GRIA1: variants seen among roughly 807,000 people sequenced by gnomAD.
GRIA1 encodes glutamate receptor 1.
In GRIA1, 31 loss-of-function variants were observed where a neutral mutation model predicts 99.2. That is an observed-to-expected ratio of 0.31 (90% CI 0.23 to 0.42). GRIA1 has a LOEUF of 0.42. Among genes scored for constraint, GRIA1 ranks in the 10% least tolerant of loss-of-function variants. GRIA1 has a pLI of 1.00. For missense variants in GRIA1, 782 were observed against 1,157.5 expected, an observed-to-expected ratio of 0.68 and a Z score of 4.71; for synonymous variants, 438 against 432.4, an observed-to-expected ratio of 1.01 and a Z score of -0.16.
chr5:153,596,307 T>C (rs1190705382), intron 2 of GRIA1, among the ~76,000 whole-genome samples: 1 of 152,224 alleles, frequency 6.6e-6, no homozygotes, highest in Non-Finnish European at 1.5e-5. Context: ...GTATGCAAGA[T>C]CCAGCCACTT....
At chr5:153,771,549 C>T (rs1763882441) in intron 13 of GRIA1, among the ~76,000 whole-genome samples, 1 of 152,120 alleles carries the variant, frequency 6.6e-6, no homozygotes, top group South Asian at 2.1e-4. Context: ...GAGAGACAGA[C>T]ATTAAAGAAA....
At chr5:153,777,021 T>C (rs1028745185) in intron 13 of GRIA1, among the ~76,000 whole-genome samples, 1 of 152,202 alleles carries the variant, frequency 6.6e-6, no homozygotes, top group African/African-American at 2.4e-5. Flanking sequence ...CAAGTGCTTT[T>C]TTGTGTGGCA....
At chr5:153,571,284 G>C (rs990126003) in intron 2 of GRIA1, among the ~76,000 whole-genome samples, 12 of 152,084 alleles carry the variant, frequency 7.9e-5, no homozygotes, top group African/African-American at 2.9e-4. Context: ...GTCCATGATG[G>C]GGACATGTAG....
At chr5:153,537,656 T>G (rs912273286) in intron 2 of GRIA1, among the ~76,000 whole-genome samples, 14 of 152,194 alleles carry the variant, frequency 9.2e-5, no homozygotes, top group African/African-American at 4.8e-5. Context: ...TGTGAGGGCC[T>G]TGGTGTCAGA....
At chr5:153,541,810 G>C (rs956287311) in intron 2 of GRIA1, among the ~76,000 whole-genome samples, 17 of 151,300 alleles carry the variant, frequency 1.1e-4, no homozygotes, top group African/African-American at 4.1e-4. Flanking sequence ...CACACCTGTA[G>C]TCTCAGCTGC....
At chr5:153,690,250 A>C (rs934281682) in intron 8 of GRIA1, among the ~76,000 whole-genome samples, 4 of 151,014 alleles carry the variant, frequency 2.6e-5, no homozygotes. Context: ...AAGTAAAAGG[A>C]ATACAAATAA....
intron 2 of GRIA1, among the ~76,000 whole-genome samples, chr5:153,555,755 C>T (rs1000836041): frequency 3.9e-5 from 6 of 152,154 alleles, no homozygotes; most frequent in Non-Finnish European, 7.3e-5. Context: ...TGACAGACTG[C>T]TAAAGGAGAC....
intron 14 of GRIA1, among the ~76,000 whole-genome samples, chr5:153,801,955 G>T (rs986748224): frequency 1.4e-5 from 2 of 146,122 alleles, no homozygotes; most frequent in Non-Finnish European, 1.5e-5. Flanking sequence ...ATTGGGGCGG[G>T]GGGGGGCGGG....
chr5:153,570,882 C>T (rs1401065854), intron 2 of GRIA1, among the ~76,000 whole-genome samples: 1 of 151,958 alleles, frequency 6.6e-6, no homozygotes, highest in Non-Finnish European at 1.5e-5. Flanking sequence ...TAAGGAGTCC[C>T]CCTTGTTCAC....
chr5:153,554,461 T>C (rs1760437252), intron 2 of GRIA1, among the ~76,000 whole-genome samples: 1 of 152,152 alleles, frequency 6.6e-6, no homozygotes, highest in Admixed American at 6.5e-5. Context: ...AAATCTGGGG[T>C]GGGGCTCAGG....
At chr5:153,781,016 G>A (rs1244381361) in intron 13 of GRIA1, among the ~76,000 whole-genome samples, 1 of 152,148 alleles carries the variant, frequency 6.6e-6, no homozygotes, top group Non-Finnish European at 1.5e-5. Context: ...GGAATAAGGG[G>A]TAGCCCTGAG....
chr5:153,630,256 T>TATC (rs3037009), intron 2 of GRIA1, among the ~76,000 whole-genome samples: 38,740 of 151,110 alleles, frequency 0.26, 5,708 homozygotes, highest in Non-Finnish European at 0.33. Flanking sequence ...TAATGATAAT[T>TATC]ATCATCATCA....
intron 2 of GRIA1, among the ~76,000 whole-genome samples, chr5:153,631,696 GT>G (rs1388366245): frequency 3.3e-5 from 5 of 152,216 alleles, no homozygotes; most frequent in South Asian, 2.1e-4. Flanking sequence ...AGTGTTTTAA[GT>G]TTTTTTGGTA....
At chr5:153,725,817 G>A (rs1275694087) in intron 11 of GRIA1, among the ~76,000 whole-genome samples, 9 of 134,558 alleles carry the variant, frequency 6.7e-5, no homozygotes, top group Admixed American at 7.7e-5. Flanking sequence ...CACTGTCAAT[G>A]TTAGACAGAT....
At chr5:153,533,906 T>C (rs1009270220) in intron 2 of GRIA1, among the ~76,000 whole-genome samples, 1 of 152,226 alleles carries the variant, frequency 6.6e-6, no homozygotes, top group Admixed American at 6.5e-5. Context: ...AGGTTTAGCA[T>C]AGAATAACTC....
At chr5:153,698,007 G>A in intron 8 of GRIA1, 37 bp from the exon 9 acceptor site, 1 of 1,165,314 alleles carries the variant, frequency 8.6e-7, no homozygotes, top group Non-Finnish European at 1.3e-6. Flanking sequence ...AGAGGAGGCT[G>A]GCCCACCTGA....
intron 11 of GRIA1, among the ~76,000 whole-genome samples, chr5:153,747,171 G>A (rs2149584537): frequency 6.6e-6 from 1 of 152,308 alleles, no homozygotes; most frequent in East Asian, 1.9e-4. Context: ...CATGGCACCA[G>A]CATCTGCACA....
intron 1 of GRIA1, among the ~76,000 whole-genome samples, chr5:153,493,492 G>A (rs2113185157): frequency 6.6e-6 from 1 of 152,284 alleles, no homozygotes; most frequent in South Asian, 2.1e-4. Context: ...GCACTGATTA[G>A]TACCTACTTC....
chr5:153,616,695 A>G (rs1276699615), intron 2 of GRIA1, among the ~76,000 whole-genome samples: 2 of 152,192 alleles, frequency 1.3e-5, no homozygotes, highest in Non-Finnish European at 2.9e-5. Flanking sequence ...TTAGGTAGAA[A>G]TTGTCATCAG....
Sources: allele counts gnomAD v4.1 joint callset (sites outside exome capture counted in the v4.1 genomes callset), GRCh38; gene constraint gnomAD v4.1.1; transcripts MANE v1.5; gene names NCBI Gene and HGNC (gene_info 2026-07-23, HGNC 2026-07-21).